Variants in NLRP11 observed in about 807,000 individuals in gnomAD.
NLRP11 encodes NLR family pyrin domain containing 11.
In NLRP11, 53 loss-of-function variants were observed where a neutral mutation model predicts 79.3. The ratio of observed to expected loss-of-function variants is 0.67; its 90% CI spans 0.54 to 0.84. The LOEUF (loss-of-function observed/expected upper bound fraction) is 0.84, where lower values mean the gene tolerates loss of function less well. Ranked by LOEUF, NLRP11 falls within the 40% of genes least tolerant of loss-of-function variation. NLRP11 has a pLI of 0.00. For synonymous variants in NLRP11, 518 were observed against 462.6 expected (o/e 1.12, Z -1.54); for missense variants, 1,264 against 1,255.0 (o/e 1.01, Z -0.11).
intron 1 of NLRP11, among the ~76,000 whole-genome samples, chr19:55,822,892 G>A (rs1371361190): frequency 6.6e-6 from 1 of 152,214 alleles, no homozygotes; most frequent in Non-Finnish European, 1.5e-5. Flanking sequence ...CAGGAAGCTG[G>A]AACTGGGGGG....
chr19:55,822,195 C>T (rs563166233), intron 1 of NLRP11, among the ~76,000 whole-genome samples: 1 of 152,222 alleles, frequency 6.6e-6, no homozygotes, highest in South Asian at 2.1e-4. Flanking sequence ...ACCTGGGAGG[C>T]AGAGATTGCT....
At chr19:55,792,968 C>T (rs1197409664) in intron 6 of NLRP11, among the ~76,000 whole-genome samples, 5 of 152,118 alleles carry the variant, frequency 3.3e-5, no homozygotes, top group Admixed American at 1.3e-4. Context: ...AGGTTTAGCT[C>T]GTTGCCAATA....
rs1980360238 is a variant in NLRP11 at position 55,809,451 on chromosome 19, T to C, written c.1159A>G (p.Asn387Asp). ...TTTAGGAGACCTAGGTGATACTGAT[T>C]GGCAGTAAGTCCAGCCTCTGATGTC... Residue 387 changes from asparagine to aspartate, a missense_variant, in exon 3 of 10, where the codon AAT (asparagine) becomes GAT (aspartate). Asn to Asp is a conservative substitution (Grantham distance 23). Transcript: ENST00000589093. The surrounding 1 kb of genome is among the most constrained non-coding windows in gnomAD (Gnocchi z 4.5). 1 of 1,614,054 alleles carries C rather than the reference T, an allele frequency of 6.2e-7. No homozygotes were observed. Among genetic ancestry groups the C allele is most frequent in the Non-Finnish European group, 8.5e-7 (1 of 1,180,034 alleles).
intron 2 of NLRP11, among the ~76,000 whole-genome samples, chr19:55,812,194 G>T (rs573729316): frequency 6.6e-6 from 1 of 152,206 alleles, no homozygotes; most frequent in South Asian, 2.1e-4. Context: ...TTTATAATAA[G>T]TTTCATATTA....
chr19:55,814,421 C>G (rs1034520894), intron 2 of NLRP11, among the ~76,000 whole-genome samples: 3 of 152,270 alleles, frequency 2.0e-5, no homozygotes, highest in South Asian at 2.1e-4. Context: ...TCCACCCCTT[C>G]TAGTCCATGG....
At chr19:55,829,902 C>T (rs1023943392) in intron 1 of NLRP11, among the ~76,000 whole-genome samples, 27 of 152,222 alleles carry the variant, frequency 1.8e-4, no homozygotes, top group African/African-American at 6.5e-4. Context: ...GACCAGAAGC[C>T]TTATCAACAG....
intron 5 of NLRP11, among the ~76,000 whole-genome samples, chr19:55,800,728 A>G (rs542611537): frequency 1.6e-3 from 243 of 152,356 alleles, no homozygotes; most frequent in African/African-American, 5.6e-3. Flanking sequence ...TACGGAGGTC[A>G]AACATTTCTG....
At chr19:55,830,158 G>T (rs943636769) in intron 1 of NLRP11, among the ~76,000 whole-genome samples, 3 of 152,100 alleles carry the variant, frequency 2.0e-5, no homozygotes, top group Non-Finnish European at 4.4e-5. Context: ...TTTAAATCTT[G>T]TATCTAGGTG....
intron 1 of NLRP11, among the ~76,000 whole-genome samples, chr19:55,822,776 T>C (rs1981895735): frequency 6.6e-6 from 1 of 152,006 alleles, no homozygotes; most frequent in Non-Finnish European, 1.5e-5. Context: ...CCACGGAGTC[T>C]CGCTGATTGC....
rs937614878 is a variant in NLRP11, at chr19:55,830,617, G to A, written c.-63+1346C>T. Among the ~76,000 whole-genome samples, 294 of 104,308 alleles carry A rather than the reference G, an allele frequency of 2.8e-3. 4 individuals are homozygous for A. The highest frequency in any genetic ancestry group is 0.014 in the African/African-American group (280 of 19,698). The allele number at this position is 104,308 out of a possible 152,430, so 68.4% of individuals were successfully genotyped here. On this transcript the variant is annotated intron_variant, in intron 1 of 9. Transcript: ENST00000589093. Reference sequence around the variant, plus strand: ...GCTTCCTAAAAAAAAAAAAAAAAATGCAACGTTGAGTGTGTGTTAAAAGCT... The same window carrying A: ...GCTTCCTAAAAAAAAAAAAAAAAATACAACGTTGAGTGTGTGTTAAAAGCT...
intron 2 of NLRP11, among the ~76,000 whole-genome samples, chr19:55,814,810 T>A (rs767412659): frequency 1.4e-4 from 22 of 152,068 alleles, no homozygotes; most frequent in Non-Finnish European, 2.9e-4. Context: ...ACGGGATTCA[T>A]CAAGGAAGCC....
exon 5 of NLRP11, chr19:55,801,642 T>C (rs892374442): frequency 2.5e-6 from 4 of 1,613,952 alleles, no homozygotes; most frequent in Non-Finnish European, 3.4e-6. Context: ...TTTAGGGAAA[T>C]GGACGTACAG....
At chr19:55,823,248 C>G (rs1490880769) in intron 1 of NLRP11, among the ~76,000 whole-genome samples, 1 of 138,246 alleles carries the variant, frequency 7.2e-6, no homozygotes, top group Non-Finnish European at 1.5e-5. Flanking sequence ...ACATCCACAC[C>G]GAAAACCCAT....
intron 1 of NLRP11, 34 bp from the exon 2 acceptor site, chr19:55,818,270 A>C (rs1981342408): frequency 1.1e-6 from 1 of 949,522 alleles, no homozygotes; most frequent in East Asian, 2.6e-5. Flanking sequence ...CAATCAAACC[A>C]CACAGTAATG....
At chr19:55,808,855 C>A in exon 3 of NLRP11, 1 of 1,613,952 alleles carries the variant, frequency 6.2e-7, no homozygotes, top group Non-Finnish European at 8.5e-7. Context: ...AGCAGTAATC[C>A]AGACAGTATA....
intron 6 of NLRP11, among the ~76,000 whole-genome samples, chr19:55,795,696 G>C (rs1205509559): frequency 2.0e-5 from 3 of 152,082 alleles, no homozygotes; most frequent in Non-Finnish European, 4.4e-5. Flanking sequence ...CACTGTGTTG[G>C]CCAGGCTGGT....
chr19:55,790,163 A>AT (rs1226252400), intron 7 of NLRP11, among the ~76,000 whole-genome samples: 2 of 152,142 alleles, frequency 1.3e-5, no homozygotes, highest in Non-Finnish European at 2.9e-5. Context: ...AGAGATGGCC[A>AT]TACCCTACCC....
chr19:55,831,529 G>A (rs759720198), intron 1 of NLRP11, among the ~76,000 whole-genome samples: 5 of 151,998 alleles, frequency 3.3e-5, no homozygotes, highest in African/African-American at 9.7e-5. Flanking sequence ...ACCACTGCAC[G>A]CCAGCCTTGG....
intron 5 of NLRP11, chr19:55,798,378 T>C: frequency 1.3e-5 from 13 of 978,394 alleles, no homozygotes; most frequent in Non-Finnish European, 1.6e-5. Context: ...CTGACTTAGA[T>C]TGCCATTATC....
Sources: allele counts gnomAD v4.1 joint callset (sites outside exome capture counted in the v4.1 genomes callset), GRCh38; gene constraint gnomAD v4.1.1; non-coding constraint Gnocchi (gnomAD v3.1); transcripts MANE v1.5; gene names NCBI Gene and HGNC (gene_info 2026-07-23, HGNC 2026-07-21).